The following ASTN1 variants were observed in gnomAD, a reference collection of about 807,000 sequenced individuals.
ASTN1 encodes astrotactin 1, also known as astrotactin-1.
In ASTN1, 41 loss-of-function variants were observed where a neutral mutation model predicts 140.7. The ratio of observed to expected loss-of-function variants is 0.29; its 90% CI spans 0.23 to 0.38. The LOEUF (loss-of-function observed/expected upper bound fraction) is 0.38. ASTN1 is among the 10% of genes least tolerant of loss of function. ASTN1 has a pLI of 1.00. For missense variants in ASTN1, 1,479 were observed against 1,678.8 expected (o/e 0.88, Z 2.08); for synonymous variants, 640 against 652.2 (o/e 0.98, Z 0.29).
At chr1:177,126,783 T>C (rs1681675156) in intron 1 of ASTN1, among the ~76,000 whole-genome samples, 2 of 152,174 alleles carry the variant, frequency 1.3e-5, no homozygotes, top group South Asian at 4.1e-4. Context: ...TTGTGGTCCT[T>C]GCCTTGCTAT....
At chr1:177,000,026 A>G (rs527743472) in intron 8 of ASTN1, among the ~76,000 whole-genome samples, 2 of 152,342 alleles carry the variant, frequency 1.3e-5, no homozygotes, top group South Asian at 4.1e-4. Context: ...GGCAAATTAC[A>G]TAAAGAAGAA....
chr1:176,949,404 C>A, intron 11 of ASTN1, 53 bp from the exon 12 acceptor site: 3 of 1,563,084 alleles, frequency 1.9e-6, no homozygotes, highest in South Asian at 1.2e-5. Context: ...GAACTGAGTT[C>A]TCTGGGAACT....
chr1:176,958,281 A>C, intron 10 of ASTN1, 64 bp downstream of exon 10: 1 of 1,607,368 alleles, frequency 6.2e-7, no homozygotes, highest in Non-Finnish European at 8.5e-7. Flanking sequence ...CCTAAAACCT[A>C]CAGGTAGTTT....
intron 7 of ASTN1, among the ~76,000 whole-genome samples, chr1:177,017,808 C>A (rs1675634169): frequency 6.6e-6 from 1 of 152,126 alleles, no homozygotes; most frequent in African/African-American, 2.4e-5. Context: ...TGCTTGGTAC[C>A]CTGACAGTAG....
chr1:176,994,048 A>C (rs1674318296), intron 8 of ASTN1, among the ~76,000 whole-genome samples: 1 of 151,062 alleles, frequency 6.6e-6, no homozygotes, highest in African/African-American at 2.5e-5. Flanking sequence ...TGTGGTGAAT[A>C]GCCTCCGCTT....
intron 2 of ASTN1, among the ~76,000 whole-genome samples, chr1:177,042,268 C>T (rs970884457): frequency 6.6e-6 from 1 of 152,162 alleles, no homozygotes; most frequent in African/African-American, 2.4e-5. Flanking sequence ...TCATGAGTGC[C>T]GTGAGATCTG....
chr1:176,900,582 G>T (rs1188208761), intron 16 of ASTN1, among the ~76,000 whole-genome samples: 1 of 152,184 alleles, frequency 6.6e-6, no homozygotes, highest in Non-Finnish European at 1.5e-5. Context: ...AAAGTGTGTG[G>T]CCTGAGGCAG....
At chr1:176,974,072 AT>A (rs1400170924) in intron 8 of ASTN1, among the ~76,000 whole-genome samples, 1 of 152,224 alleles carries the variant, frequency 6.6e-6, no homozygotes, top group Non-Finnish European at 1.5e-5. Flanking sequence ...TTGGTTATTA[AT>A]TTTTAATCAT....
At chr1:177,007,696 G>A (rs1002632844) in intron 8 of ASTN1, among the ~76,000 whole-genome samples, 1 of 152,140 alleles carries the variant, frequency 6.6e-6, no homozygotes, top group South Asian at 2.1e-4. Flanking sequence ...CGGCATGCAC[G>A]AGTCACTCAT....
At chr1:176,886,391 T>C (rs1669032017) in intron 18 of ASTN1, among the ~76,000 whole-genome samples, 1 of 152,228 alleles carries the variant, frequency 6.6e-6, no homozygotes, top group Admixed American at 6.5e-5. Flanking sequence ...GTAGCTTCAG[T>C]ATTGTTTCAG....
At chr1:176,888,365 T>G (rs1669127946) in intron 17 of ASTN1, among the ~76,000 whole-genome samples, 161 bp from the exon 18 acceptor site, 1 of 152,186 alleles carries the variant, frequency 6.6e-6, no homozygotes, top group African/African-American at 2.4e-5. Context: ...TCCAGGAGAT[T>G]GTTTCTGGGA....
intron 8 of ASTN1, among the ~76,000 whole-genome samples, chr1:177,008,032 T>C (rs919409601): frequency 1.3e-5 from 2 of 152,196 alleles, no homozygotes; most frequent in African/African-American, 4.8e-5. Flanking sequence ...AGTTACATGT[T>C]TTCGCTTGAG....
At chr1:177,032,966 T>C (rs1676525375) in intron 2 of ASTN1, 117 bp from the exon 3 acceptor site, 1 of 1,236,022 alleles carries the variant, frequency 8.1e-7, no homozygotes. Flanking sequence ...TTCATTCAGC[T>C]GTATTAAGCA....
intron 15 of ASTN1, chr1:176,936,058 T>C: frequency 1.6e-6 from 1 of 639,866 alleles, no homozygotes. Context: ...TAGTCCAAGA[T>C]AACACATGCA....
At chr1:177,031,031 C>T in intron 3 of ASTN1, 79 bp from the exon 4 acceptor site, 1 of 1,464,768 alleles carries the variant, frequency 6.8e-7, no homozygotes, top group Non-Finnish European at 9.3e-7. Context: ...CTGCATAAAC[C>T]AAGAAGATAA....
At chr1:177,014,708 T>C in intron 8 of ASTN1, 83 bp downstream of exon 8, 1 of 1,309,790 alleles carries the variant, frequency 7.6e-7, no homozygotes, top group African/African-American at 1.5e-5. Context: ...GCTCTATTCC[T>C]CTCCATGCAG....
intron 12 of ASTN1, among the ~76,000 whole-genome samples, chr1:176,948,189 T>A (rs971795716): frequency 6.6e-6 from 1 of 152,162 alleles, no homozygotes; most frequent in Non-Finnish European, 1.5e-5. Flanking sequence ...TGTGAGATCC[T>A]TGAGGGCAAG....
intron 8 of ASTN1, among the ~76,000 whole-genome samples, chr1:176,992,119 T>C (rs542068600): frequency 6.6e-6 from 1 of 152,254 alleles, no homozygotes; most frequent in African/African-American, 2.4e-5. Context: ...ATTCAAAATA[T>C]CTCACAGTGC....
intron 1 of ASTN1, among the ~76,000 whole-genome samples, chr1:177,095,198 T>C (rs2102114848): frequency 6.6e-6 from 1 of 152,302 alleles, no homozygotes; most frequent in African/African-American, 2.4e-5. Context: ...AATGGAATTG[T>C]TAATCAAAAG....
Sources: allele counts gnomAD v4.1 joint callset (sites outside exome capture counted in the v4.1 genomes callset), GRCh38; gene constraint gnomAD v4.1.1; transcripts MANE v1.5; gene names NCBI Gene and HGNC (gene_info 2026-07-23, HGNC 2026-07-21).